FNTB: variants seen among roughly 807,000 people sequenced by gnomAD.
FNTB encodes farnesyltransferase, CAAX box, subunit beta.
FNTB carries 27 observed loss-of-function variants against 59.4 expected under a neutral mutation model. The observed-to-expected ratio is 0.45, with a 90% CI of 0.34 to 0.63. The LOEUF is 0.63. Ranked by LOEUF, FNTB falls within the 20% of genes least tolerant of loss-of-function variation. The pLI is 0.02. For synonymous variants in FNTB, 230 were observed against 220.7 expected (o/e 1.04, Z -0.37); for missense variants, 449 against 559.6 (o/e 0.80, Z 1.99).
chr14:64,992,734 G>A (rs1888249346), intron 1 of FNTB, among the ~76,000 whole-genome samples: 2 of 152,174 alleles, frequency 1.3e-5, no homozygotes, highest in Non-Finnish European at 2.9e-5. Context: ...GCCTACCAAA[G>A]TGTTGGGATT....
rs145076914 is a variant in FNTB at position 65,009,981 on chromosome 14, C to T, written c.210-2336C>T. Among the ~76,000 whole-genome samples the T allele has an allele frequency of 2.3e-3, 356 of 152,256 alleles. 2 individuals carry two copies. Among genetic ancestry groups the T allele is most frequent in the African/African-American group, 8.2e-3 (341 of 41,538 alleles). On this transcript the variant is annotated intron_variant, in intron 2 of 11. Coordinates refer to ENST00000246166, the MANE Select transcript of FNTB (RefSeq NM_002028.4). This position sits in a 1 kb window ranked among gnomAD's most constrained non-coding sequence, Gnocchi z 4.2. Reference sequence around the variant, plus strand: ...CACTCTGCCCACACAGATGGGTGCTCCCTGCGTCCTGAGTGGACTTTCCTG... The same window carrying T: ...CACTCTGCCCACACAGATGGGTGCTTCCTGCGTCCTGAGTGGACTTTCCTG...
In FNTB at chr14:65,027,640, C is replaced by T; in HGVS notation, c.521+41C>T. ...GCAGTGACAGAAACCTAGAGGAGTT[C>T]CCCGCCTGCTGACACGCACTGACTG... On this transcript the variant is annotated intron_variant, in intron 5 of 11. Transcript: ENST00000246166. This position sits in a 1 kb window ranked among gnomAD's most constrained non-coding sequence, Gnocchi z 5.7. The T allele has an allele frequency of 6.2e-7, 1 of 1,614,014 alleles. No homozygotes were observed. Among genetic ancestry groups the T allele is most frequent in the African/African-American group, 1.3e-5 (1 of 75,050 alleles).
At chr14:65,048,652 AG>A (rs1356848032) in intron 9 of FNTB, among the ~76,000 whole-genome samples, 13 of 152,214 alleles carry the variant, frequency 8.5e-5, no homozygotes, top group Non-Finnish European at 1.9e-4. Flanking sequence ...CAGGAGTTCA[AG>A]ACCAGCCTGG....
chr14:65,005,530 T>TCTTTCTCTC (rs2061573656), intron 2 of FNTB, among the ~76,000 whole-genome samples: 1 of 150,118 alleles, frequency 6.7e-6, no homozygotes, highest in Non-Finnish European at 1.5e-5. Context: ...TCTTTCTCTT[T>TCTTTCTCTC]CTCTTTCTTT....
intron 4 of FNTB, among the ~76,000 whole-genome samples, chr14:65,020,139 A>G (rs1223261951): frequency 6.6e-6 from 1 of 152,140 alleles, no homozygotes; most frequent in Admixed American, 6.6e-5. Context: ...TTGTTTAGGG[A>G]ACAATATGAT....
chr14:65,012,399 T>G lies in FNTB; in HGVS notation c.282+10T>G. On this transcript the variant is annotated intron_variant, in intron 3 of 11. Coordinates refer to ENST00000246166, the MANE Select transcript of FNTB (RefSeq NM_002028.4). The surrounding 1 kb of genome is among the most constrained non-coding windows in gnomAD (Gnocchi z 5.0). ...GACAGATGCCTATGAGGTAAACACA[T>G]TACCCAGGAACTCTTGCTGTCAAAT... 6.2e-7 allele frequency: 1 copy of G among 1,614,048 alleles called. No homozygotes were observed. Among genetic ancestry groups the G allele is most frequent in the Non-Finnish European group, 8.5e-7 (1 of 1,179,914 alleles).
chr14:65,042,175 G>A (rs1236411466), intron 8 of FNTB, among the ~76,000 whole-genome samples: 2 of 151,942 alleles, frequency 1.3e-5, no homozygotes, highest in East Asian at 1.9e-4. Flanking sequence ...TAATTTTTCC[G>A]TGGACCTGGG....
At chr14:65,061,108 A>G in intron 11 of FNTB, 73 bp from the exon 12 acceptor site, 1 of 1,573,752 alleles carries the variant, frequency 6.4e-7, no homozygotes, top group Non-Finnish European at 8.6e-7. Context: ...AGTGCCTTTC[A>G]TGGAGCAAAG....
rs1192452803 is a variant in FNTB, at chr14:65,007,471, G to T, written c.209+3158G>T. Among the ~76,000 whole-genome samples, 1 of 152,210 alleles carries T rather than the reference G, an allele frequency of 6.6e-6. No homozygotes were observed. Among genetic ancestry groups the T allele is most frequent in the East Asian group, 1.9e-4 (1 of 5,202 alleles). ...GATGCCTGTGATGATGCTGAAGTAG[G>T]CATTTGCCTATTCAGTGTTCCAGGG... On this transcript the variant is annotated intron_variant, in intron 2 of 11. Coordinates refer to ENST00000246166, the MANE Select transcript of FNTB (RefSeq NM_002028.4). The surrounding 1 kb of genome is among the most constrained non-coding windows in gnomAD (Gnocchi z 4.9).
At chr14:65,058,484 T>TC (rs746515987) in intron 11 of FNTB, among the ~76,000 whole-genome samples, 22 of 152,328 alleles carry the variant, frequency 1.4e-4, no homozygotes, top group Non-Finnish European at 1.5e-5. Flanking sequence ...TTGGGTAAGA[T>TC]CCCCACATAG....
At chr14:65,025,651 T>C (rs986466902) in intron 4 of FNTB, among the ~76,000 whole-genome samples, 2 of 151,808 alleles carry the variant, frequency 1.3e-5, no homozygotes, top group African/African-American at 4.8e-5. Flanking sequence ...CCCATCTTTA[T>C]AAAAAATACA....
At chr14:65,000,168 A>G (rs1182719354) in intron 1 of FNTB, among the ~76,000 whole-genome samples, 1 of 152,150 alleles carries the variant, frequency 6.6e-6, no homozygotes, top group African/African-American at 2.4e-5. Context: ...ATAGGCTTGT[A>G]CTGGGGTAAA....
rs2062516368 is a variant in FNTB, at chr14:65,047,829, T to G, written c.955+3386T>G. Among the ~76,000 whole-genome samples the G allele has an allele frequency of 6.6e-6, 1 of 151,906 alleles. No individual in the cohort carries two copies. The highest frequency in any genetic ancestry group is 1.5e-5 in the Non-Finnish European group (1 of 68,004). ...AAGCTCTGCAAGATACAACATGAAG[T>G]GTAAGGGGGCGGGGCCTGGAGCAGT... On this transcript the variant is annotated intron_variant, in intron 9 of 11. Transcript: ENST00000246166. The surrounding 1 kb of genome is among the most constrained non-coding windows in gnomAD (Gnocchi z 5.2).
At position 65,032,799 on chromosome 14, in the gene FNTB, A is replaced by G; in HGVS notation, c.692+103A>G. On this transcript the variant is annotated intron_variant, in intron 7 of 11. Coordinates refer to ENST00000246166, the MANE Select transcript of FNTB (RefSeq NM_002028.4). This position sits in a 1 kb window ranked among gnomAD's most constrained non-coding sequence, Gnocchi z 5.0. ...GCAGAGGGACTTGGAAGGAAATACA[A>G]AAATCACAGGAGATCCATTAGGGTT... The G allele has an allele frequency of 2.7e-6, 3 of 1,118,262 alleles. No individual in the cohort carries two copies. The highest frequency in any genetic ancestry group is 3.7e-6 in the Non-Finnish European group (3 of 801,860). The allele number at this position is 1,118,262 out of a possible 1,614,324, so 69.3% of individuals were successfully genotyped here. A position where few individuals can be genotyped will look rare whatever the true frequency, so the allele number is the denominator to read the frequency against.
rs767435014 is a variant in FNTB, at chr14:65,006,209, C to T, written c.209+1896C>T. The T allele has an allele frequency of 1.1e-5, 17 of 1,610,798 alleles. No individual in the cohort carries two copies. In the South Asian group the frequency reaches 1.8e-4, roughly 17 times the overall value. Reference sequence around the variant, plus strand: ...CCTTAAGAAACTTTTTCTGATTAGCCATGGCAGAAAACAGTTGGAAAAGGC... The same window carrying T: ...CCTTAAGAAACTTTTTCTGATTAGCTATGGCAGAAAACAGTTGGAAAAGGC... On this transcript the variant is annotated intron_variant, in intron 2 of 11. Coordinates refer to ENST00000246166, the MANE Select transcript of FNTB (RefSeq NM_002028.4).
At chr14:65,005,509 CTT>C (rs879442208) in intron 2 of FNTB, among the ~76,000 whole-genome samples, 16,699 of 96,556 alleles carry the variant, frequency 0.17, 984 homozygotes, top group African/African-American at 0.24. Flanking sequence ...TTCTTTCTTT[CTT>C]TCTCTCTCTC....
rs996024270 is a variant in FNTB, at chr14:64,994,684, G to A, written c.144+7587G>A. Among the ~76,000 whole-genome samples, 2 of 152,226 alleles carry A rather than the reference G, an allele frequency of 1.3e-5. No individual in the cohort carries two copies. The highest frequency in any genetic ancestry group is 6.5e-5 in the Admixed American group (1 of 15,286). ...ATCTAGGGAACTTAGCATGAATGGAGCTTGTGGGCCTGGAAGTTGCTCTGG... is the reference window on the plus strand; with the variant it reads ...ATCTAGGGAACTTAGCATGAATGGAACTTGTGGGCCTGGAAGTTGCTCTGG... On this transcript the variant is annotated intron_variant, in intron 1 of 11. Transcript: ENST00000246166. The surrounding 1 kb of genome is among the most constrained non-coding windows in gnomAD (Gnocchi z 4.2).
At chr14:64,988,753 C>T (rs1331683665) in intron 1 of FNTB, among the ~76,000 whole-genome samples, 1 of 152,070 alleles carries the variant, frequency 6.6e-6, no homozygotes, top group African/African-American at 2.4e-5. Flanking sequence ...CAAATCTAGA[C>T]CCAACGGTAT....
rs2083709036 is a variant in FNTB at position 65,047,653 on chromosome 14, T to G, written c.955+3210T>G. On this transcript the variant is annotated intron_variant, in intron 9 of 11. Coordinates refer to ENST00000246166, the MANE Select transcript of FNTB (RefSeq NM_002028.4). The surrounding 1 kb of genome is among the most constrained non-coding windows in gnomAD (Gnocchi z 5.2). Reference sequence around the variant, plus strand: ...GCACTTACCCTTTGAACACAGCAAGTGCACTGTCAGGAATTTACCTGCAGG... The same window carrying G: ...GCACTTACCCTTTGAACACAGCAAGGGCACTGTCAGGAATTTACCTGCAGG... 6.6e-6 allele frequency among the ~76,000 whole-genome samples: 1 copy of G among 152,190 alleles called. No individual in the cohort carries two copies. The highest frequency in any genetic ancestry group is 1.9e-4 in the East Asian group (1 of 5,204).
Sources: allele counts gnomAD v4.1 joint callset (sites outside exome capture counted in the v4.1 genomes callset), GRCh38; gene constraint gnomAD v4.1.1; non-coding constraint Gnocchi (gnomAD v3.1); transcripts MANE v1.5; gene names NCBI Gene and HGNC (gene_info 2026-07-23, HGNC 2026-07-21).